Variants in WDR7 observed in about 807,000 individuals in gnomAD.
WDR7 encodes WD repeat-containing protein 7.
In WDR7, 46 loss-of-function variants were observed where a neutral mutation model predicts 169.4. The observed-to-expected ratio is 0.27, with a 90% CI of 0.21 to 0.35. The LOEUF is 0.35. WDR7 is among the 10% of genes least tolerant of loss of function. WDR7 has a pLI of 1.00. For missense variants in WDR7, 1,534 were observed against 1,859.3 expected, an observed-to-expected ratio of 0.83 and a Z score of 3.22; for synonymous variants, 612 against 666.8, an observed-to-expected ratio of 0.92 and a Z score of 1.27.
rs184692567 is a variant in WDR7 at position 56,718,992 on chromosome 18, C to T, written c.1774+833C>T. Among the ~76,000 whole-genome samples, 179 of 152,280 alleles carry T rather than the reference C, an allele frequency of 1.2e-3. 1 individual carries two copies. The highest frequency in any genetic ancestry group is 4.0e-3 in the African/African-American group (167 of 41,566). The stretch of plus-strand genomic sequence containing the variant: ...TTTGGGAATAAATAGCCATAAGCTT[C>T]GGTAATCTTTTATTTATTGTCTTCA... On this transcript the variant is annotated intron_variant, in intron 13 of 27. Transcript: ENST00000254442.
At chr18:56,944,818 G>A (rs188502509) in intron 25 of WDR7, among the ~76,000 whole-genome samples, 1 of 151,914 alleles carries the variant, frequency 6.6e-6, no homozygotes, top group Non-Finnish European at 1.5e-5. Flanking sequence ...CATTTATATC[G>A]CACTTTGCAG....
chr18:56,718,504 C>CT (rs1390799736), intron 13 of WDR7, among the ~76,000 whole-genome samples: 6 of 152,082 alleles, frequency 3.9e-5, no homozygotes, highest in African/African-American at 1.4e-4. Flanking sequence ...AGATACAACC[C>CT]TTTTTTCTTT....
At chr18:56,726,851 C>A (rs1278597068) in intron 13 of WDR7, among the ~76,000 whole-genome samples, 1 of 152,120 alleles carries the variant, frequency 6.6e-6, no homozygotes, top group African/African-American at 2.4e-5. Flanking sequence ...GTACTATTCA[C>A]AATCCTGTCT....
chr18:56,754,807 T>C (rs1429598041), intron 14 of WDR7, among the ~76,000 whole-genome samples: 1 of 152,206 alleles, frequency 6.6e-6, no homozygotes, highest in African/African-American at 2.4e-5. Context: ...CTGTTTAAGA[T>C]AGGATCCTGG....
At chr18:56,696,504 C>G (rs757759743) in intron 12 of WDR7, 42 bp downstream of exon 12, 2 of 1,495,146 alleles carry the variant, frequency 1.3e-6, no homozygotes, top group Non-Finnish European at 1.8e-6. Flanking sequence ...TATGGTAGAG[C>G]CAAGTTATAT....
At chr18:56,744,052 C>G (rs947574777) in intron 14 of WDR7, among the ~76,000 whole-genome samples, 6 of 151,648 alleles carry the variant, frequency 4.0e-5, no homozygotes, top group African/African-American at 1.5e-4. Context: ...GAGATCGAGA[C>G]CATGGTGAAA....
intron 12 of WDR7, among the ~76,000 whole-genome samples, chr18:56,711,075 C>T (rs1431722144): frequency 3.4e-5 from 5 of 149,006 alleles, no homozygotes; most frequent in Non-Finnish European, 5.9e-5. Flanking sequence ...TTTTCCTCTC[C>T]AAGGGTTATT....
chr18:56,935,805 C>G lies in WDR7; in HGVS notation c.3731C>G (p.Pro1244Arg). Residue 1244 changes from proline (P) to arginine (R), a missense_variant, in exon 23 of 28, where the codon CCT (proline) becomes CGT (arginine). Physicochemically the swap from Pro to Arg is moderately radical, Grantham distance 103. Coordinates refer to ENST00000254442, the MANE Select transcript of WDR7 (RefSeq NM_015285.3). ...KQLANITMGLPLSPAADSARS... is the reference protein window; with the variant it reads ...KQLANITMGLRLSPAADSARS... ...CTGTTTAGCATCACAATGGGGTTGC[C>G]TCTGAGCCCAGCAGCTGACTCGGCC... 1.9e-6 allele frequency: 3 copies of G among 1,614,054 alleles called. No homozygotes were observed. The highest frequency in any genetic ancestry group is 2.7e-5 in the African/African-American group (2 of 74,998).
chr18:56,660,311 C>G (rs2024877133), intron 1 of WDR7, among the ~76,000 whole-genome samples: 1 of 152,088 alleles, frequency 6.6e-6, no homozygotes, highest in Non-Finnish European at 1.5e-5. Flanking sequence ...AGAAAAGCAT[C>G]CCACACAATA....
At chr18:56,710,185 A>G (rs1420764170) in intron 12 of WDR7, among the ~76,000 whole-genome samples, 1 of 151,518 alleles carries the variant, frequency 6.6e-6, no homozygotes, top group Non-Finnish European at 1.5e-5. Flanking sequence ...TTGTATTTTT[A>G]GTAGACACGG....
chr18:56,841,890 TA>T (rs2045492240), intron 20 of WDR7, among the ~76,000 whole-genome samples: 2 of 152,196 alleles, frequency 1.3e-5, no homozygotes, highest in South Asian at 4.1e-4. Context: ...AAGGATAATA[TA>T]ACTTTTCCTA....
intron 20 of WDR7, among the ~76,000 whole-genome samples, chr18:56,851,510 TCTTTA>T (rs1321314943): frequency 6.6e-6 from 1 of 152,224 alleles, no homozygotes; most frequent in Non-Finnish European, 1.5e-5. Context: ...CATACTTGTC[TCTTTA>T]CTTGTTCATC....
chr18:56,754,400 T>A (rs2043849154), intron 14 of WDR7, among the ~76,000 whole-genome samples: 1 of 148,096 alleles, frequency 6.8e-6, no homozygotes, highest in Non-Finnish European at 1.5e-5. Flanking sequence ...TACGTGTATA[T>A]ATACACATAT....
chr18:56,978,461 C>G (rs374127644), intron 26 of WDR7, among the ~76,000 whole-genome samples: 107 of 152,250 alleles, frequency 7.0e-4, no homozygotes, highest in African/African-American at 2.5e-3. Flanking sequence ...CGTCCAACAT[C>G]CTTATTTTTG....
intron 25 of WDR7, among the ~76,000 whole-genome samples, chr18:56,945,497 G>A (rs936178875): frequency 1.3e-5 from 2 of 152,172 alleles, no homozygotes; most frequent in African/African-American, 2.4e-5. Flanking sequence ...TAGAGATTCC[G>A]TGACTGTCAA....
At chr18:56,947,699 A>G (rs1241553490) in intron 25 of WDR7, among the ~76,000 whole-genome samples, 1 of 152,218 alleles carries the variant, frequency 6.6e-6, no homozygotes, top group Non-Finnish European at 1.5e-5. Flanking sequence ...CTGGTGTTAC[A>G]CTACTTAGTG....
chr18:56,973,171 C>G (rs28650327), intron 26 of WDR7, among the ~76,000 whole-genome samples: 2 of 152,094 alleles, frequency 1.3e-5, no homozygotes, highest in African/African-American at 4.8e-5. Context: ...CCACCGCGCC[C>G]GGCCATGGGT....
intron 26 of WDR7, among the ~76,000 whole-genome samples, chr18:57,014,719 C>G (rs2048183659): frequency 6.6e-6 from 1 of 151,796 alleles, no homozygotes; most frequent in Non-Finnish European, 1.5e-5. Context: ...AATAAGGTGA[C>G]CTCAAAGATA....
intron 26 of WDR7, among the ~76,000 whole-genome samples, chr18:56,977,584 T>G (rs78737180): frequency 0.027 from 4,099 of 152,310 alleles, 115 homozygotes; most frequent in African/African-American, 0.069. Context: ...TAGAAATAAT[T>G]TGCATTCATT....
Sources: gnomAD v4.1 joint callset for allele counts (sites outside exome capture counted in the v4.1 genomes callset) on GRCh38, gnomAD v4.1.1 for gene constraint, MANE v1.5 for transcripts, NCBI Gene and HGNC (gene_info 2026-07-23, HGNC 2026-07-21) for gene names.